The following SLC39A6 variants were observed in gnomAD, a reference collection of about 807,000 sequenced individuals.
SLC39A6 encodes solute carrier family 39 member 6.
SLC39A6 carries 51 observed loss-of-function variants against 63.5 expected under a neutral mutation model. The observed-to-expected ratio is 0.80, with a 90% CI of 0.64 to 1.01. The LOEUF (loss-of-function observed/expected upper bound fraction) is 1.01, where lower values mean the gene tolerates loss of function less well. Among genes scored for constraint, SLC39A6 ranks in the 50% least tolerant of loss-of-function variants. The pLI is 0.00. For synonymous variants in SLC39A6, 318 were observed against 324.7 expected, an observed-to-expected ratio of 0.98 and a Z score of 0.22; for missense variants, 805 against 927.8, an observed-to-expected ratio of 0.87 and a Z score of 1.72.
chr18:36,115,315 G>T (rs1185182088), intron 6 of SLC39A6, among the ~76,000 whole-genome samples: 2 of 151,892 alleles, frequency 1.3e-5, no homozygotes, highest in Non-Finnish European at 2.9e-5. Flanking sequence ...GGTGGCGGGT[G>T]CCTGTAGTCC....
chr18:36,114,495 C>T, intron 6 of SLC39A6, 21 bp from the exon 7 acceptor site: 2 of 1,576,420 alleles, frequency 1.3e-6, no homozygotes, highest in Non-Finnish European at 1.7e-6. Context: ...ACATAAAGGG[C>T]ATGGGGACAG....
intron 7 of SLC39A6, 91 bp from the exon 8 acceptor site, chr18:36,112,672 T>C (rs1567956957): frequency 3.1e-6 from 3 of 953,926 alleles, no homozygotes; most frequent in East Asian, 2.4e-5. Flanking sequence ...AAGAAAATGG[T>C]ATTTTGGCTG....
At chr18:36,115,055 A>G (rs1215337510) in intron 6 of SLC39A6, among the ~76,000 whole-genome samples, 4 of 152,264 alleles carry the variant, frequency 2.6e-5, no homozygotes, top group Admixed American at 2.6e-4. Context: ...CATAGTTATC[A>G]ATTTTCTTGG....
chr18:36,127,523 C>T (rs1227311060), intron 1 of SLC39A6, among the ~76,000 whole-genome samples: 2 of 151,170 alleles, frequency 1.3e-5, no homozygotes, highest in African/African-American at 4.9e-5. Context: ...AAAAAAAGAA[C>T]GAAATGAAAT....
chr18:36,113,101 T>A (rs12968636), intron 7 of SLC39A6, among the ~76,000 whole-genome samples: 46 of 71,566 alleles, frequency 6.4e-4, no homozygotes, highest in African/African-American at 1.5e-3. Flanking sequence ...GCATATATAT[T>A]TTTTTTTTTC....
chr18:36,126,507 G>A lies in SLC39A6; in HGVS notation c.501C>T (p.His167=). 4 of 1,614,230 alleles carry A rather than the reference G, an allele frequency of 2.5e-6. No homozygotes were observed. Among genetic ancestry groups the A allele is most frequent in the Non-Finnish European group, 3.4e-6 (4 of 1,180,038 alleles). Residue 167 remains histidine (H), a synonymous_variant, in exon 2 of 10, where the codon CAC becomes CAT. Transcript: ENST00000269187. ...TTCTACCACTGGCATGTTCTGGTCG[G>A]TGAGCTCCTTTCCCCTGGCTGTTTC... is the stretch of plus-strand genomic sequence containing the variant. The part of the protein sequence containing the change: ...DPRNSQGKGA[H]RPEHASGRRN...
At chr18:36,117,671 C>T (rs78058258) in intron 5 of SLC39A6, among the ~76,000 whole-genome samples, 1,643 of 152,234 alleles carry the variant, frequency 0.011, 43 homozygotes, top group African/African-American at 0.037. Context: ...ACCACCATAC[C>T]TAAGATTTCA....
rs754706638 is a variant in SLC39A6 at position 36,126,675 on chromosome 18, G to A, written c.333C>T (p.His111=). 18 of 1,602,908 alleles carry A rather than the reference G, an allele frequency of 1.1e-5. No individual in the cohort carries two copies. The highest frequency in any genetic ancestry group is 1.7e-5 in the Admixed American group (1 of 59,190). ...DHEHHSDHER[H]SDHEHHSEHE... is the part of the protein sequence containing the mutation. Reference sequence around the variant, plus strand: ...GCTCTGAGTGATGCTCATGGTCTGAGTGACGCTCATGGTCTGAGTGATGCT... The same window carrying A: ...GCTCTGAGTGATGCTCATGGTCTGAATGACGCTCATGGTCTGAGTGATGCT... Residue 111 remains histidine, a synonymous_variant, in exon 2 of 10, where the codon CAC becomes CAT. Transcript: ENST00000269187.
intron 2 of SLC39A6, among the ~76,000 whole-genome samples, chr18:36,125,350 G>GA (rs72307025): frequency 0.33 from 43,756 of 133,900 alleles, 6,885 homozygotes; most frequent in African/African-American, 0.38. Context: ...AGCCAAAAAA[G>GA]AAAAAAAAAA....
rs2089401976 is a variant in SLC39A6 at position 36,122,388 on chromosome 18, A to C, written c.1141-118T>G. Reference sequence around the variant, plus strand: ...AGTTATGCAATTATTCAGATACTTCAGAGATGAGGTGAAGTTTAGGACATT... The same window carrying C: ...AGTTATGCAATTATTCAGATACTTCCGAGATGAGGTGAAGTTTAGGACATT... On this transcript the variant is annotated intron_variant, in intron 4 of 9. Coordinates refer to ENST00000269187, the MANE Select transcript of SLC39A6 (RefSeq NM_012319.4). 8 of 743,584 alleles carry C rather than the reference A, an allele frequency of 1.1e-5. No homozygotes were observed. The South Asian group carries it at 1.4e-4, about 13-fold the overall frequency. 46.1% of individuals were successfully genotyped at this position (743,584 alleles called of 1,614,324 possible).
At chr18:36,115,168 G>A (rs886416664) in intron 6 of SLC39A6, among the ~76,000 whole-genome samples, 4 of 152,140 alleles carry the variant, frequency 2.6e-5, no homozygotes, top group African/African-American at 2.4e-5. Context: ...GGGGCCGGGC[G>A]TGGTGGCTCA....
chr18:36,116,956 C>T (rs569687203), intron 5 of SLC39A6, among the ~76,000 whole-genome samples, 177 bp from the exon 6 acceptor site: 67 of 152,268 alleles, frequency 4.4e-4, no homozygotes, highest in Middle Eastern at 3.4e-3. Flanking sequence ...TGCATACTCC[C>T]GGCCAGGCGC....
In SLC39A6 at chr18:36,109,794, A is replaced by G. The variant is rs752285696; in HGVS notation, c.2116-49T>C. On this transcript the variant is annotated intron_variant, in intron 9 of 9. Transcript: ENST00000269187. ...TAAGAGTGACATTTAAGTTTTTAGAACTACAGATTAGTTTTTAGAAAAATT... is the reference window on the plus strand; with the variant it reads ...TAAGAGTGACATTTAAGTTTTTAGAGCTACAGATTAGTTTTTAGAAAAATT... The G allele has an allele frequency of 3.3e-6, 5 of 1,516,070 alleles. No individual in the cohort carries two copies. The Admixed American group carries it at 1.0e-4, about 30-fold the overall frequency. 93.9% of individuals were successfully genotyped at this position (1,516,070 alleles called of 1,614,324 possible).
chr18:36,123,934 A>C (rs912501339), intron 3 of SLC39A6, among the ~76,000 whole-genome samples: 2 of 151,436 alleles, frequency 1.3e-5, no homozygotes, highest in African/African-American at 2.4e-5. Context: ...GTGAAAGAGG[A>C]AAAAAAAATG....
Position 36,122,242 on chromosome 18 carries a change from C to A in SLC39A6, c.1169G>T (p.Ser390Ile). 3 of 1,613,876 alleles carry A rather than the reference C, an allele frequency of 1.9e-6. No individual in the cohort carries two copies. The highest frequency in any genetic ancestry group is 1.7e-6 in the Non-Finnish European group (2 of 1,179,882). Residue 390 changes from serine (S) to isoleucine (I), a missense_variant, in exon 5 of 10, where the codon AGC (serine) becomes ATC (isoleucine). By Grantham distance (142) the Ser-to-Ile change is moderately radical. Coordinates refer to ENST00000269187, the MANE Select transcript of SLC39A6 (RefSeq NM_012319.4). Reference protein sequence around the residue: ...HSHASHHHSHSHEEPAMEMKR... With the variant: ...HSHASHHHSHIHEEPAMEMKR... ...CATTTCCATTGCTGGTTCTTCATGG[C>A]TATGACTATGGTGGTGACTTGCATG...
At position 36,122,152 on chromosome 18, in the gene SLC39A6, G is replaced by C; in HGVS notation, c.1259C>G (p.Ser420Cys). 6.2e-7 allele frequency: 1 copy of C among 1,613,986 alleles called. No individual in the cohort carries two copies. Among genetic ancestry groups the C allele is most frequent in the Non-Finnish European group, 8.5e-7 (1 of 1,179,900 alleles). ...TAGAGCTGTTAGACCCTTCCACGTG[G>C]AATCAAAATAGGCACTTTCTTCTAT... is the stretch of plus-strand genomic sequence containing the variant. The part of the protein sequence containing the change: ...QNIEESAYFD[S>C]TWKGLTALGG... The change falls in exon 5 of 10, where the codon TCC becomes TGC. Residue 420 changes from serine (S) to cysteine (C), a missense_variant. Physicochemically the swap from Ser to Cys is moderately radical, Grantham distance 112. This residue lies in a region of SLC39A6 where 639 missense variants were observed against 644.0 expected (regional missense o/e 0.99). Coordinates refer to ENST00000269187, the MANE Select transcript of SLC39A6 (RefSeq NM_012319.4).
chr18:36,127,242 T>TA, intron 1 of SLC39A6, among the ~76,000 whole-genome samples: 1 of 152,212 alleles, frequency 6.6e-6, no homozygotes, highest in East Asian at 1.9e-4. Flanking sequence ...AGCTGAGTGC[T>TA]AAGAGACTGC....
Position 36,126,226 on chromosome 18 carries a change from G to A in SLC39A6, c.782C>T (p.Pro261Leu), listed in dbSNP as rs757822167. The A allele has an allele frequency of 6.2e-7, 1 of 1,613,538 alleles. No individual in the cohort carries two copies. The highest frequency in any genetic ancestry group is 8.5e-7 in the Non-Finnish European group (1 of 1,179,690). Residue 261 changes from proline (P) to leucine (L), a missense_variant, in exon 2 of 10, where the codon CCT (proline) becomes CTT (leucine). Pro to Leu is a moderately conservative substitution (Grantham distance 98, BLOSUM62 -3). This residue lies in a region of SLC39A6 where 639 missense variants were observed against 644.0 expected (regional missense o/e 0.99). Coordinates refer to ENST00000269187, the MANE Select transcript of SLC39A6 (RefSeq NM_012319.4). Reference protein sequence around the residue: ...FMYSRNTNENPQECFNASKLL... With the variant: ...FMYSRNTNENLQECFNASKLL... ...GAACAGCACTCATCTTACCTCCTGAGGATTTTCATTTGTGTTTCTGGAATA... is the reference window on the plus strand; with the variant it reads ...GAACAGCACTCATCTTACCTCCTGAAGATTTTCATTTGTGTTTCTGGAATA...
At chr18:36,125,350 G>GAA (rs72307025) in intron 2 of SLC39A6, among the ~76,000 whole-genome samples, 42,159 of 133,910 alleles carry the variant, frequency 0.31, 6,551 homozygotes, top group Middle Eastern at 0.45. Flanking sequence ...AGCCAAAAAA[G>GAA]AAAAAAAAAA....
Sources: gnomAD v4.1 joint callset for allele counts (sites outside exome capture counted in the v4.1 genomes callset) on GRCh38, gnomAD v4.1.1 for gene constraint, gnomAD v4.1.1 regional missense constraint, MANE v1.5 for transcripts, NCBI Gene and HGNC (gene_info 2026-07-23, HGNC 2026-07-21) for gene names.